Variants in CPNE4 observed in about 807,000 individuals in gnomAD.
CPNE4 encodes copine-4.
A neutral mutation model predicts 67.9 loss-of-function variants in CPNE4; 25 were observed. That is an observed-to-expected ratio of 0.37 (90% CI 0.27 to 0.51). The LOEUF is 0.51. Among genes scored for constraint, CPNE4 ranks in the 20% least tolerant of loss-of-function variants. The pLI, the probability that CPNE4 is intolerant of heterozygous loss-of-function variation, is 0.93. For missense variants in CPNE4, 464 were observed against 690.8 expected (o/e 0.67, Z 3.68); for synonymous variants, 242 against 244.9 (o/e 0.99, Z 0.11).
intron 12 of CPNE4, among the ~76,000 whole-genome samples, chr3:131,554,208 T>C (rs1465829145): frequency 6.6e-6 from 1 of 152,016 alleles, no homozygotes; most frequent in Non-Finnish European, 1.5e-5. Flanking sequence ...AAAGTGGGCA[T>C]TCACCTGTTT....
rs533515716 is a variant in CPNE4, at chr3:131,650,388, A to G, written c.681+19287T>C. ...GTTATAGGGGCCACCCTAGGGTGTG[A>G]CCATCATAATTTAGGTGAAGGAAGA... On this transcript the variant is annotated intron_variant, in intron 7 of 15. Transcript: ENST00000429747. Among the ~76,000 whole-genome samples the G allele has an allele frequency of 2.0e-5, 3 of 152,256 alleles. No homozygotes were observed. In the South Asian group the frequency reaches 6.2e-4, roughly 32 times the overall value.
intron 8 of CPNE4, among the ~76,000 whole-genome samples, chr3:131,585,490 A>T (rs1938119181): frequency 6.6e-6 from 1 of 152,210 alleles, no homozygotes; most frequent in African/African-American, 2.4e-5. Context: ...GCACATTAGC[A>T]TATGGTCCAT....
chr3:131,805,349 A>T (rs545085388), intron 2 of CPNE4, among the ~76,000 whole-genome samples: 4 of 152,336 alleles, frequency 2.6e-5, no homozygotes, highest in African/African-American at 9.6e-5. Context: ...AAAATTTAGT[A>T]TCAGTGAAAC....
chr3:131,934,009 A>T (rs2107836829), intron 1 of CPNE4, among the ~76,000 whole-genome samples: 1 of 152,288 alleles, frequency 6.6e-6, no homozygotes, highest in African/African-American at 2.4e-5. Flanking sequence ...CATGAGAGAG[A>T]TGAAAAAATA....
rs138626430 is a variant in CPNE4 at position 131,932,995 on chromosome 3, C to T, written c.-1-27551G>A. The stretch of plus-strand genomic sequence containing the variant: ...ATGATTGTGCTCCTGGGCAACAGAG[C>T]GAGACTCTATCTCAAAGAAAAAAGA... On this transcript the variant is annotated intron_variant, in intron 1 of 15. Transcript: ENST00000429747. 3.4e-4 allele frequency among the ~76,000 whole-genome samples: 52 copies of T among 152,074 alleles called. No homozygotes were observed. The East Asian group carries it at 9.1e-3, about 27-fold the overall frequency.
intron 2 of CPNE4, among the ~76,000 whole-genome samples, chr3:131,876,376 C>T (rs982586205): frequency 6.6e-6 from 1 of 151,902 alleles, no homozygotes; most frequent in African/African-American, 2.4e-5. Context: ...GGCGTGGTGG[C>T]TCACGCCTGT....
At chr3:131,797,460 G>A (rs113739060) in intron 2 of CPNE4, among the ~76,000 whole-genome samples, 1,610 of 152,128 alleles carry the variant, frequency 0.011, 24 homozygotes, top group African/African-American at 0.037. Flanking sequence ...AAAAGTGTTC[G>A]CTAGAGATTC....
intron 2 of CPNE4, among the ~76,000 whole-genome samples, chr3:131,801,452 G>GTGTATATA (rs761978890): frequency 2.6e-3 from 136 of 53,326 alleles, no homozygotes; most frequent in Middle Eastern, 0.014. Flanking sequence ...GTGTGTGTGT[G>GTGTATATA]TATATATATA....
chr3:131,917,785 G>C (rs1199100404), intron 1 of CPNE4, among the ~76,000 whole-genome samples: 1 of 152,170 alleles, frequency 6.6e-6, no homozygotes, highest in Non-Finnish European at 1.5e-5. Flanking sequence ...CAAGTCAGTG[G>C]ACCAGGGCAA....
intron 2 of CPNE4, among the ~76,000 whole-genome samples, chr3:131,778,052 C>T (rs2107846920): frequency 6.6e-6 from 1 of 152,272 alleles, no homozygotes; most frequent in African/African-American, 2.4e-5. Flanking sequence ...TTACAAACTG[C>T]TGTTTGCACA....
At chr3:131,856,939 GAT>G (rs2086469434) in intron 2 of CPNE4, among the ~76,000 whole-genome samples, 1 of 151,894 alleles carries the variant, frequency 6.6e-6, no homozygotes, top group African/African-American at 2.4e-5. Flanking sequence ...TCCCCATGAT[GAT>G]ATATGATTTC....
chr3:131,754,775 C>A (rs914506038), intron 2 of CPNE4, among the ~76,000 whole-genome samples: 1 of 152,162 alleles, frequency 6.6e-6, no homozygotes, highest in South Asian at 2.1e-4. Context: ...AACCAAGGCA[C>A]CCCTGGGCAC....
At chr3:131,827,465 A>G (rs1353684353) in intron 2 of CPNE4, among the ~76,000 whole-genome samples, 1 of 152,092 alleles carries the variant, frequency 6.6e-6, no homozygotes, top group South Asian at 2.1e-4. Flanking sequence ...TATTTGTTGA[A>G]GAAAAGCAGC....
At chr3:131,886,552 G>C (rs1320646410) in intron 2 of CPNE4, among the ~76,000 whole-genome samples, 3 of 150,946 alleles carry the variant, frequency 2.0e-5, no homozygotes, top group Non-Finnish European at 4.4e-5. Flanking sequence ...CAGAATGGTA[G>C]ATCTACTGAC....
At chr3:131,753,212 A>C (rs115522932) in intron 2 of CPNE4, among the ~76,000 whole-genome samples, 1 of 151,872 alleles carries the variant, frequency 6.6e-6, no homozygotes, top group Non-Finnish European at 1.5e-5. Context: ...CTGCCTAATA[A>C]CCTAAGAAAA....
At chr3:131,648,250 T>C (rs2079716275) in intron 7 of CPNE4, among the ~76,000 whole-genome samples, 1 of 152,184 alleles carries the variant, frequency 6.6e-6, no homozygotes. Context: ...CATGCATCTG[T>C]AGTCCCAGCT....
intron 1 of CPNE4, among the ~76,000 whole-genome samples, chr3:131,994,479 G>T (rs1296589575): frequency 1.2e-5 from 1 of 86,004 alleles, no homozygotes; most frequent in African/African-American, 2.8e-5. Flanking sequence ...AGGAGAATCT[G>T]CATTTTAACA....
At chr3:131,901,893 C>G (rs929992096) in intron 2 of CPNE4, among the ~76,000 whole-genome samples, 1 of 152,068 alleles carries the variant, frequency 6.6e-6, no homozygotes, top group Non-Finnish European at 1.5e-5. Flanking sequence ...GAATATTTAA[C>G]AGTGTGCTCT....
intron 10 of CPNE4, among the ~76,000 whole-genome samples, chr3:131,570,799 T>C (rs1357643557): frequency 6.6e-6 from 1 of 152,078 alleles, no homozygotes; most frequent in African/African-American, 2.4e-5. Context: ...AATTCTCAAG[T>C]GTTCAGGTGA....
Sources: gnomAD v4.1 joint callset for allele counts (sites outside exome capture counted in the v4.1 genomes callset) on GRCh38, gnomAD v4.1.1 for gene constraint, MANE v1.5 for transcripts, NCBI Gene and HGNC (gene_info 2026-07-23, HGNC 2026-07-21) for gene names.